The following MYO1E variants were observed in gnomAD, a reference collection of about 807,000 sequenced individuals.
MYO1E encodes myosin IE, also known as unconventional myosin-Ie.
MYO1E carries 68 observed loss-of-function variants against 151.1 expected under a neutral mutation model. The observed-to-expected ratio is 0.45, with a 90% CI of 0.37 to 0.55. The LOEUF is 0.55. Ranked by LOEUF, MYO1E falls within the 20% of genes least tolerant of loss-of-function variation. The pLI is 0.00. For missense variants in MYO1E, 1,363 were observed against 1,389.3 expected (o/e 0.98, Z 0.30); for synonymous variants, 601 against 501.7 (o/e 1.20, Z -2.64).
intron 1 of MYO1E, among the ~76,000 whole-genome samples, chr15:59,365,036 TTTTTTTTC>T (rs1475589476): frequency 1.4e-5 from 2 of 138,668 alleles, no homozygotes; most frequent in Non-Finnish European, 3.1e-5. Flanking sequence ...CTTTTTCTTT[TTTTTTTTC>T]TTTTTTGAGA....
chr15:59,272,608 C>T (rs2080294929), intron 1 of MYO1E, among the ~76,000 whole-genome samples, 159 bp from the exon 2 acceptor site: 1 of 152,208 alleles, frequency 6.6e-6, no homozygotes, highest in South Asian at 2.1e-4. Context: ...GATTCAAGTT[C>T]CAGCTTTGCT....
intron 1 of MYO1E, among the ~76,000 whole-genome samples, chr15:59,314,732 C>T (rs1263310219): frequency 5.9e-5 from 9 of 152,170 alleles, no homozygotes; most frequent in African/African-American, 2.2e-4. Context: ...GAGTGGATAC[C>T]AGGGATGTAG....
chr15:59,213,135 AT>A (rs1243914197), intron 12 of MYO1E, among the ~76,000 whole-genome samples: 41 of 108,830 alleles, frequency 3.8e-4, no homozygotes, highest in African/African-American at 1.6e-3. Flanking sequence ...TGAACTATTT[AT>A]TTATTATTAT....
rs768602777 is a variant in MYO1E at position 59,218,041 on chromosome 15, C to T, written c.957G>A (p.Leu319=). 2 of 1,614,204 alleles carry T rather than the reference C, an allele frequency of 1.2e-6. No individual in the cohort carries two copies. Among genetic ancestry groups the T allele is most frequent in the East Asian group, 4.5e-5 (2 of 44,888 alleles). The part of the protein sequence containing the change: ...AYLLGINQDR[L]KEKLTSRQMD... ...TCTGCCGGCTTGTTAGCTTTTCTTT[C>T]AACCGGTCCTGGTTTATCCCTAGCA... is the stretch of plus-strand genomic sequence containing the variant. Residue 319 remains leucine (L), a synonymous_variant, in exon 10 of 28, where the codon TTG becomes TTA. Coordinates refer to ENST00000288235, the MANE Select transcript of MYO1E (RefSeq NM_004998.4).
At chr15:59,250,708 G>A (rs1384595237) in intron 4 of MYO1E, among the ~76,000 whole-genome samples, 2 of 152,156 alleles carry the variant, frequency 1.3e-5, no homozygotes, top group Non-Finnish European at 2.9e-5. Flanking sequence ...CTGCAGGGTG[G>A]GCAGTCTACC....
intron 10 of MYO1E, among the ~76,000 whole-genome samples, chr15:59,215,030 T>A (rs967401879): frequency 6.6e-6 from 1 of 152,190 alleles, no homozygotes; most frequent in African/African-American, 2.4e-5. Context: ...AAAAATGTCA[T>A]CTTGGATGAT....
At chr15:59,171,196 G>T (rs1192420838) in intron 22 of MYO1E, 1 of 156,288 alleles carries the variant, frequency 6.4e-6, no homozygotes, top group African/African-American at 2.4e-5. Flanking sequence ...TAGTCTGGGA[G>T]TTCTTGGCAT....
chr15:59,318,273 C>T (rs539359281), intron 1 of MYO1E, among the ~76,000 whole-genome samples: 1 of 152,194 alleles, frequency 6.6e-6, no homozygotes, highest in African/African-American at 2.4e-5. Flanking sequence ...ACATGGAGGT[C>T]CCATCTTCCT....
In MYO1E at chr15:59,236,571, C is replaced by T. The variant is rs1596379043; in HGVS notation, c.420+14G>A. ...CATAACATAAGGTATCATAATGGGC[C>T]ACTGCCCACTCACCTGGACTTTGGT... On this transcript the variant is annotated intron_variant, in intron 5 of 27. Transcript: ENST00000288235. 1 of 1,594,152 alleles carries T rather than the reference C, an allele frequency of 6.3e-7. No individual in the cohort carries two copies. Among genetic ancestry groups the T allele is most frequent in the Non-Finnish European group, 8.6e-7 (1 of 1,162,066 alleles).
chr15:59,214,318 GA>G lies in MYO1E; in HGVS notation c.1189-5del, dbSNP rs371013910. On this transcript the variant is annotated splice_region_variant and splice_polypyrimidine_tract_variant and intron_variant, in intron 11 of 27. Coordinates refer to ENST00000288235, the MANE Select transcript of MYO1E (RefSeq NM_004998.4). ...AAAACTGTTCAAAGCCATTTTTCTGGAAAAAAAAAGTTATTCACATGTAATT... is the reference window on the plus strand; with the variant it reads ...AAAACTGTTCAAAGCCATTTTTCTGGAAAAAAAAGTTATTCACATGTAATT... 2.6e-4 allele frequency: 409 copies of G among 1,584,110 alleles called. 2 individuals carry two copies. The South Asian group carries it at 3.2e-3, about 13-fold the overall frequency.
Position 59,140,436 on chromosome 15 carries a change from G to A in MYO1E, c.3081-2069C>T, listed in dbSNP as rs562561858. ...GAGAACATTTCTTTTTTTCCACTTC[G>A]CTTAAGGACAAACCAAAGTAAAGGC... On this transcript the variant is annotated intron_variant, in intron 26 of 27. Coordinates refer to ENST00000288235, the MANE Select transcript of MYO1E (RefSeq NM_004998.4). 9.4e-4 allele frequency among the ~76,000 whole-genome samples: 143 copies of A among 152,018 alleles called. 1 individual carries two copies. The highest frequency in any genetic ancestry group is 1.4e-3 in the Non-Finnish European group (95 of 68,004).
At chr15:59,221,151 G>A (rs1198825553) in intron 9 of MYO1E, among the ~76,000 whole-genome samples, 1 of 151,010 alleles carries the variant, frequency 6.6e-6, no homozygotes, top group African/African-American at 2.4e-5. Context: ...GGAATTACAG[G>A]TGCGCACCAC....
chr15:59,325,915 A>G (rs2080660974), intron 1 of MYO1E, among the ~76,000 whole-genome samples: 10 of 152,210 alleles, frequency 6.6e-5, no homozygotes, highest in Admixed American at 6.5e-4. Flanking sequence ...CCCATGGCCT[A>G]TAATCAGGGC....
chr15:59,177,424 G>A (rs556672434), intron 19 of MYO1E, among the ~76,000 whole-genome samples: 2 of 152,262 alleles, frequency 1.3e-5, no homozygotes, highest in South Asian at 2.1e-4. Flanking sequence ...TGGCAAGACT[G>A]GGATCTGCCT....
intron 27 of MYO1E, 41 bp from the exon 28 acceptor site, chr15:59,137,497 T>C (rs761253320): frequency 3.3e-5 from 51 of 1,555,108 alleles, no homozygotes; most frequent in Middle Eastern, 3.4e-4. Flanking sequence ...GATGAGAAAG[T>C]CTGTTCTGCC....
chr15:59,368,656 G>A (rs2140445927), intron 1 of MYO1E, among the ~76,000 whole-genome samples: 1 of 152,284 alleles, frequency 6.6e-6, no homozygotes, highest in East Asian at 1.9e-4. Flanking sequence ...TGAGGCAGGA[G>A]AATCGTTTGA....
intron 1 of MYO1E, among the ~76,000 whole-genome samples, chr15:59,280,608 G>A (rs1009386941): frequency 4.2e-5 from 6 of 142,174 alleles, no homozygotes; most frequent in Non-Finnish European, 9.0e-5. Context: ...GGCAACAAGA[G>A]CGAAAGTCCA....
At chr15:59,138,600 T>G (rs1390999917) in intron 26 of MYO1E, among the ~76,000 whole-genome samples, 1 of 152,216 alleles carries the variant, frequency 6.6e-6, no homozygotes, top group Admixed American at 6.5e-5. Flanking sequence ...CTGTTGTCAC[T>G]GTGTCCCCAG....
chr15:59,140,844 CAA>C (rs2079404581), intron 26 of MYO1E, among the ~76,000 whole-genome samples: 3 of 152,268 alleles, frequency 2.0e-5, no homozygotes, highest in Middle Eastern at 3.4e-3. Context: ...TGGGAGGGAG[CAA>C]TCCTCAAGGC....
Sources: allele counts gnomAD v4.1 joint callset (sites outside exome capture counted in the v4.1 genomes callset), GRCh38; gene constraint gnomAD v4.1.1; transcripts MANE v1.5; gene names NCBI Gene and HGNC (gene_info 2026-07-23, HGNC 2026-07-21).